AURKB: variants seen among roughly 807,000 people sequenced by gnomAD.
The protein encoded by AURKB is aurora kinase B, also known as aurora kinase B-Sv1.
In AURKB, 28 loss-of-function variants were observed where a neutral mutation model predicts 36.5. The ratio of observed to expected loss-of-function variants is 0.77; its 90% CI spans 0.57 to 1.05. AURKB has a LOEUF of 1.05. Ranked by LOEUF, AURKB falls within the 50% of genes least tolerant of loss-of-function variation. The pLI, the probability that AURKB is intolerant of heterozygous loss-of-function variation, is 0.00. For missense variants in AURKB, 383 were observed against 447.4 expected, an observed-to-expected ratio of 0.86 and a Z score of 1.30; for synonymous variants, 175 against 172.9, an observed-to-expected ratio of 1.01 and a Z score of -0.09.
chr17:8,207,664 G>T, intron 3 of AURKB, 39 bp from the exon 4 acceptor site: 1 of 1,613,770 alleles, frequency 6.2e-7, no homozygotes, highest in South Asian at 1.1e-5. Context: ...GAACAGGGAT[G>T]ACCTTCTCAT....
Position 8,206,543 on chromosome 17 carries a change from C to T in AURKB, c.634G>A (p.Gly212Arg), listed in dbSNP as rs149651741. 7 of 1,614,074 alleles carry T rather than the reference C, an allele frequency of 4.3e-6. No homozygotes were observed. The African/African-American group carries it at 6.7e-5, about 15-fold the overall frequency. ...CCGAAGTCAGCAATCTTCAGCTCTC[C>T]CTTGAGCCCTAAGAGCAGATTTTCT... ...KPENLLLGLK[G>R]ELKIADFGWS... Residue 212 changes from glycine (G) to arginine (R), a missense_variant, in exon 7 of 9, where the codon GGA (glycine) becomes AGA (arginine). This residue lies in a region of AURKB where 219 missense variants were observed against 252.6 expected (regional missense o/e 0.87). Coordinates refer to ENST00000585124, the MANE Select transcript of AURKB (RefSeq NM_004217.4). The surrounding 1 kb of genome is among the most constrained non-coding windows in gnomAD (Gnocchi z 4.2).
At position 8,206,994 on chromosome 17, in the gene AURKB, G is replaced by A; in HGVS notation, c.399-106C>T. ...CGTGGCCCAGGCCGGGGACACCAGG[G>A]CTGGGAGTGGTAAGGGGAAACTGGA... On this transcript the variant is annotated intron_variant, in intron 5 of 8. Coordinates refer to ENST00000585124, the MANE Select transcript of AURKB (RefSeq NM_004217.4). This position sits in a 1 kb window ranked among gnomAD's most constrained non-coding sequence, Gnocchi z 4.2. 1 of 1,543,048 alleles carries A rather than the reference G, an allele frequency of 6.5e-7. No homozygotes were observed. Among genetic ancestry groups the A allele is most frequent in the Non-Finnish European group, 8.8e-7 (1 of 1,138,692 alleles).
Position 8,205,342 on chromosome 17 carries a change from A to G in AURKB, c.735T>C (p.Ile245=), listed in dbSNP as rs1985101846. 1 of 1,614,112 alleles carries G rather than the reference A, an allele frequency of 6.2e-7. No homozygotes were observed. Among genetic ancestry groups the G allele is most frequent in the Non-Finnish European group, 8.5e-7 (1 of 1,180,020 alleles). ...CCTTCTCATTGTGCATGCGCCCCTCAATCATCTCTGGGGGCAGGTAGTCCA... is the reference window on the plus strand; with the variant it reads ...CCTTCTCATTGTGCATGCGCCCCTCGATCATCTCTGGGGGCAGGTAGTCCA... ...GTLDYLPPEM[I]EGRMHNEKVD... is the part of the protein sequence containing the mutation. The change falls in exon 8 of 9, where the codon ATT becomes ATC. Residue 245 remains isoleucine (I), a synonymous_variant. Transcript: ENST00000585124.
intron 7 of AURKB, 151 bp from the exon 8 acceptor site, chr17:8,205,541 G>T (rs1985141762): frequency 1.1e-6 from 1 of 907,760 alleles, no homozygotes; most frequent in Non-Finnish European, 1.7e-6. Context: ...TGGGGTTGGG[G>T]TGATGATATA....
chr17:8,209,202 G>A (rs1360646482), intron 2 of AURKB, among the ~76,000 whole-genome samples: 1 of 152,118 alleles, frequency 6.6e-6, no homozygotes, highest in Non-Finnish European at 1.5e-5. Flanking sequence ...TAGTAGAGAC[G>A]GGGTTTTACC....
chr17:8,206,588 T>C lies in AURKB; in HGVS notation c.589A>G (p.Ile197Val). The C allele has an allele frequency of 6.2e-7, 1 of 1,614,192 alleles. No homozygotes were observed. ...ALMYCHGKKV[I>V]HRDIKPENLL... ...TTTTCTGGCTTTATGTCTCTGTGAA[T>C]CACCTTCTTCCCATGGCAGTACATT... Residue 197 changes from isoleucine to valine, a missense_variant, in exon 7 of 9, where the codon ATT (isoleucine) becomes GTT (valine). Ile to Val is a conservative substitution (Grantham distance 29). Around this residue, in one of 3 missense-constraint regions of AURKB, gnomAD observed 219 missense variants for 252.6 expected, o/e 0.87. Coordinates refer to ENST00000585124, the MANE Select transcript of AURKB (RefSeq NM_004217.4). This position sits in a 1 kb window ranked among gnomAD's most constrained non-coding sequence, Gnocchi z 4.2.
At chr17:8,210,289 A>AAGAG (rs890707117) in intron 1 of AURKB, 40 bp from the exon 2 acceptor site, 5 of 1,429,750 alleles carry the variant, frequency 3.5e-6, no homozygotes, top group African/African-American at 2.8e-5. Flanking sequence ...AGCAGAGAAA[A>AAGAG]AGAGAGAGAG....
Position 8,206,782 on chromosome 17 carries a change from T to A in AURKB, c.505A>T (p.Ser169Cys). The A allele has an allele frequency of 6.2e-7, 1 of 1,614,182 alleles. No individual in the cohort carries two copies. The highest frequency in any genetic ancestry group is 1.3e-5 in the African/African-American group (1 of 75,038). ...GTTCGCTGCTCGTCAAATGTGCAGC[T>A]CTTCTGCAGCTCCTTGTAGAGCTCC... ...RGELYKELQK[S>C]CTFDEQRTAT... The change falls in exon 6 of 9, where the codon AGC (serine) becomes TGC (cysteine). Residue 169 changes from serine to cysteine, a missense_variant. Physicochemically the swap from Ser to Cys is moderately radical, Grantham distance 112 (BLOSUM62 -1). Coordinates refer to ENST00000585124, the MANE Select transcript of AURKB (RefSeq NM_004217.4). This position sits in a 1 kb window ranked among gnomAD's most constrained non-coding sequence, Gnocchi z 4.2.
chr17:8,208,940 T>C (rs1985759124), intron 2 of AURKB, among the ~76,000 whole-genome samples: 2 of 152,162 alleles, frequency 1.3e-5, no homozygotes, highest in Non-Finnish European at 2.9e-5. Context: ...ATAACCAGGA[T>C]TTACACTTTT....
chr17:8,205,530 G>T, intron 7 of AURKB, 140 bp from the exon 8 acceptor site: 1 of 1,056,162 alleles, frequency 9.5e-7, no homozygotes, highest in Non-Finnish European at 1.4e-6. Flanking sequence ...TGGAGTGGGG[G>T]TGGGGTTGGG....
intron 8 of AURKB, 72 bp downstream of exon 8, chr17:8,205,144 A>G: frequency 6.4e-7 from 1 of 1,551,162 alleles, no homozygotes; most frequent in Non-Finnish European, 8.7e-7. Flanking sequence ...CCATGCAAAT[A>G]CACTCTGCCC....
intron 2 of AURKB, 153 bp downstream of exon 2, chr17:8,210,024 A>T (rs755394998): frequency 6.1e-5 from 60 of 985,344 alleles, no homozygotes; most frequent in Non-Finnish European, 7.9e-5. Flanking sequence ...AAATGACCAG[A>T]GCGGGTTCTG....
chr17:8,205,267 G>A lies in AURKB; in HGVS notation c.810C>T (p.Asn270=), dbSNP rs760436085. 1 of 1,614,036 alleles carries A rather than the reference G, an allele frequency of 6.2e-7. No individual in the cohort carries two copies. The highest frequency in any genetic ancestry group is 1.3e-5 in the African/African-American group (1 of 74,908). Residue 270 remains asparagine, a synonymous_variant, in exon 8 of 9, where the codon AAC becomes AAT. Transcript: ENST00000585124. ...TGTGTGATGCACTCTCAAAGGGTGG[G>A]TTCCCCACCAGCAGCTCATAGCAAA... is the stretch of plus-strand genomic sequence containing the variant. ...GVLCYELLVG[N]PPFESASHNE...
Position 8,207,303 on chromosome 17 carries a change from C to A in AURKB, c.271G>T (p.Val91Leu), listed in dbSNP as rs754558313. 1 of 1,614,166 alleles carries A rather than the reference C, an allele frequency of 6.2e-7. No individual in the cohort carries two copies. The highest frequency in any genetic ancestry group is 1.1e-5 in the South Asian group (1 of 91,078). Residue 91 changes from valine to leucine, a missense_variant, in exon 5 of 9, where the codon GTG becomes TTG. Physicochemically the swap from Val to Leu is conservative, Grantham distance 32. Around this residue, in one of 3 missense-constraint regions of AURKB, gnomAD observed 59 missense variants for 99.0 expected, o/e 0.60. Coordinates refer to ENST00000585124, the MANE Select transcript of AURKB (RefSeq NM_004217.4). ...RPLGKGKFGN[V>L]YLAREKKSHF... ...CTTTTCTTCTCCCGAGCCAAGTACACGTTTCCAAACTTGCCTTTGCCCAGA... is the reference window on the plus strand; with the variant it reads ...CTTTTCTTCTCCCGAGCCAAGTACAAGTTTCCAAACTTGCCTTTGCCCAGA...
At chr17:8,208,897 G>C (rs1877586186) in intron 2 of AURKB, among the ~76,000 whole-genome samples, 1 of 152,216 alleles carries the variant, frequency 6.6e-6, no homozygotes, top group Non-Finnish European at 1.5e-5. Flanking sequence ...TTAAGGCTTA[G>C]ATAAGATGCT....
At chr17:8,208,717 C>T (rs1467311170) in intron 2 of AURKB, among the ~76,000 whole-genome samples, 1 of 152,214 alleles carries the variant, frequency 6.6e-6, no homozygotes, top group Non-Finnish European at 1.5e-5. Context: ...CCCTGGCCCA[C>T]ACTTTTCAGG....
rs764652330 is a variant in AURKB at position 8,206,981 on chromosome 17, C to A, written c.399-93G>T. The A allele has an allele frequency of 1.3e-6, 2 of 1,580,264 alleles. No homozygotes were observed. Among genetic ancestry groups the A allele is most frequent in the East Asian group, 2.2e-5 (1 of 44,662 alleles). On this transcript the variant is annotated intron_variant, in intron 5 of 8. Coordinates refer to ENST00000585124, the MANE Select transcript of AURKB (RefSeq NM_004217.4). This position sits in a 1 kb window ranked among gnomAD's most constrained non-coding sequence, Gnocchi z 4.2. ...AACTGGGGTCAGACGTGGCCCAGGC[C>A]GGGGACACCAGGGCTGGGAGTGGTA...
chr17:8,209,023 A>ATTT (rs60656658), intron 2 of AURKB, among the ~76,000 whole-genome samples: 4 of 141,108 alleles, frequency 2.8e-5, no homozygotes, highest in African/African-American at 5.3e-5. Flanking sequence ...CAACTTCTTC[A>ATTT]TTTTTTTTTT....
rs755020586 is a variant in AURKB at position 8,206,923 on chromosome 17, G to A, written c.399-35C>T. ...GAGACAGAGGAGGCCTCAGGCCAAA[G>A]GCATAAAAGAGCTGGAAAAGATGAT... On this transcript the variant is annotated intron_variant, in intron 5 of 8. Coordinates refer to ENST00000585124, the MANE Select transcript of AURKB (RefSeq NM_004217.4). The surrounding 1 kb of genome is among the most constrained non-coding windows in gnomAD (Gnocchi z 4.2). 4 of 1,613,556 alleles carry A rather than the reference G, an allele frequency of 2.5e-6. No individual in the cohort carries two copies. The highest frequency in any genetic ancestry group is 1.7e-5 in the Admixed American group (1 of 59,976).
Sources: gnomAD v4.1 joint callset for allele counts (sites outside exome capture counted in the v4.1 genomes callset) on GRCh38, gnomAD v4.1.1 for gene constraint, gnomAD v4.1.1 regional missense constraint, Gnocchi (gnomAD v3.1) non-coding constraint, MANE v1.5 for transcripts, NCBI Gene and HGNC (gene_info 2026-07-23, HGNC 2026-07-21) for gene names.